Variants in GPR161 observed in about 807,000 individuals in gnomAD.
The protein encoded by GPR161 is G protein-coupled receptor 161.
In GPR161, 25 loss-of-function variants were observed where a neutral mutation model predicts 39.2. The observed-to-expected ratio is 0.64, with a 90% CI of 0.47 to 0.89. GPR161 has a LOEUF of 0.89. Ranked by LOEUF, GPR161 falls within the 40% of genes least tolerant of loss-of-function variation. The pLI is 0.00. For missense variants in GPR161, 547 were observed against 677.8 expected, an observed-to-expected ratio of 0.81 and a Z score of 2.14; for synonymous variants, 286 against 276.6, an observed-to-expected ratio of 1.03 and a Z score of -0.34.
chr1:168,133,629 G>A (rs1000488505), intron 1 of GPR161, among the ~76,000 whole-genome samples: 1 of 152,156 alleles, frequency 6.6e-6, no homozygotes, highest in African/African-American at 2.4e-5. Flanking sequence ...CCCGATTTAT[G>A]TTTTTCTTTT....
intron 4 of GPR161, 63 bp downstream of exon 4, chr1:168,090,501 A>G (rs1694950815): frequency 1.1e-6 from 1 of 944,142 alleles, no homozygotes; most frequent in Admixed American, 1.9e-5. Context: ...GAAACGCGAC[A>G]CGGGGGAAAC....
At chr1:168,110,587 GAAAAGA>G (rs759589212) in intron 1 of GPR161, among the ~76,000 whole-genome samples, 2,678 of 93,384 alleles carry the variant, frequency 0.029, 163 homozygotes, top group African/African-American at 0.085. Flanking sequence ...GAAAAGAAAA[GAAAAGA>G]AAAGAGACAA....
chr1:168,136,024 C>T, intron 1 of GPR161: 1 of 1,232,490 alleles, frequency 8.1e-7, no homozygotes, highest in Non-Finnish European at 1.0e-6. Flanking sequence ...CAGACGTTCT[C>T]ATCCCATATG....
chr1:168,092,816 G>A (rs1329901474), intron 3 of GPR161, among the ~76,000 whole-genome samples: 1 of 152,214 alleles, frequency 6.6e-6, no homozygotes, highest in Non-Finnish European at 1.5e-5. Context: ...AACCTGGAGC[G>A]AGGTGTTTTC....
rs560634343 is a variant in GPR161, at chr1:168,136,670, T to G, written c.-45+69A>C. ...GAGCCCTCAGCCTCGCACAATGAGT[T>G]TAGCCTGGCTCCATCCGGACCGCCC... On this transcript the variant is annotated intron_variant, in intron 1 of 5. Transcript: ENST00000682931. 8 of 1,165,630 alleles carry G rather than the reference T, an allele frequency of 6.9e-6. No homozygotes were observed. The African/African-American group carries it at 1.3e-4, about 19-fold the overall frequency. 72.2% of individuals were successfully genotyped at this position (1,165,630 alleles called of 1,614,324 possible).
rs116610247 is a variant in GPR161 at position 168,091,585 on chromosome 1, C to T, written c.1100-917G>A. The stretch of plus-strand genomic sequence containing the variant: ...GCTTCCCTGTGGTTTTCTAGGCCCT[C>T]GTTATTAGAGGTGAAGGGGTGCCCA... On this transcript the variant is annotated intron_variant, in intron 3 of 5. Coordinates refer to ENST00000682931, the MANE Select transcript of GPR161 (RefSeq NM_001375883.1). 4.0e-3 allele frequency among the ~76,000 whole-genome samples: 605 copies of T among 151,948 alleles called. 4 individuals carry two copies. Among genetic ancestry groups the T allele is most frequent in the African/African-American group, 0.013 (557 of 41,424 alleles).
chr1:168,087,457 C>T lies in GPR161; in HGVS notation c.1324+128G>A, dbSNP rs909418587. ...TGAGACCAACAGGGCTGGGAGTAAC[C>T]AGGGAGTGAGCAAAGGGATGGAGCC... On this transcript the variant is annotated intron_variant, in intron 5 of 5. Transcript: ENST00000682931. The T allele has an allele frequency of 4.5e-6, 5 of 1,101,030 alleles. No homozygotes were observed. In the Admixed American group the frequency reaches 5.2e-5, roughly 12 times the overall value. The allele number at this position is 1,101,030 out of a possible 1,614,324, so 68.2% of individuals were successfully genotyped here. A position where few individuals can be genotyped will look rare whatever the true frequency, so the allele number is the denominator to read the frequency against.
intron 1 of GPR161, chr1:168,136,348 G>A: frequency 6.8e-7 from 1 of 1,475,018 alleles, no homozygotes; most frequent in Non-Finnish European, 9.0e-7. Flanking sequence ...GCCCCAGGGG[G>A]CGCGGCCCGC....
chr1:168,119,259 T>TATACATATATATGTACAC (rs1697943545), intron 1 of GPR161, among the ~76,000 whole-genome samples: 1 of 99,786 alleles, frequency 1.0e-5, no homozygotes, highest in African/African-American at 4.6e-5. Flanking sequence ...TATATATACG[T>TATACATATATATGTACAC]ATATATATGT....
intron 1 of GPR161, among the ~76,000 whole-genome samples, chr1:168,132,648 C>T (rs1024956578): frequency 2.0e-5 from 3 of 151,426 alleles, no homozygotes; most frequent in African/African-American, 7.3e-5. Flanking sequence ...TTTTTTAATG[C>T]CCTATGTAGA....
chr1:168,097,314 T>C (rs1019952075), intron 2 of GPR161, 82 bp from the exon 3 acceptor site: 5 of 1,440,432 alleles, frequency 3.5e-6, no homozygotes, highest in Non-Finnish European at 4.7e-6. Flanking sequence ...GGGGCTCCCA[T>C]GACTGGGTTG....
rs142182379 is a variant in GPR161, at chr1:168,101,548, G to A, written c.374+2929C>T. Among the ~76,000 whole-genome samples, 290 of 152,298 alleles carry A rather than the reference G, an allele frequency of 1.9e-3. 5 individuals are homozygous for A. The East Asian group carries it at 0.043, about 23-fold the overall frequency. On this transcript the variant is annotated intron_variant, in intron 2 of 5. Coordinates refer to ENST00000682931, the MANE Select transcript of GPR161 (RefSeq NM_001375883.1). ...AGTTGATGGTGTACAATGACAAAGC[G>A]TCCAGGCTCGGGCATCTCAGAACTG...
chr1:168,087,980 G>A (rs914894383), intron 4 of GPR161: 3 of 326,434 alleles, frequency 9.2e-6, no homozygotes, highest in African/African-American at 6.5e-5. Flanking sequence ...CCAGACCCCA[G>A]AAGCATGGCA....
chr1:168,125,979 G>A (rs557879824), intron 1 of GPR161, among the ~76,000 whole-genome samples: 8 of 152,248 alleles, frequency 5.3e-5, no homozygotes, highest in East Asian at 3.9e-4. Context: ...TTCCCAAACC[G>A]TGGGTGGCAG....
Position 168,085,592 on chromosome 1 carries a change from C to T in GPR161, c.1529G>A (p.Ser510Asn). ...GGRRGSRTLVSQRLQLQSIEE... is the reference protein window; with the variant it reads ...GGRRGSRTLVNQRLQLQSIEE... ...GATGCTCTGCAACTGCAGCCTCTGG[C>T]TCACAAGAGTTCTGCTGCCTCGGCG... Residue 510 changes from serine to asparagine, a missense_variant, in exon 6 of 6, where the codon AGC becomes AAC. Ser to Asn is a conservative substitution (Grantham distance 46). Transcript: ENST00000682931. The T allele has an allele frequency of 6.2e-7, 1 of 1,614,104 alleles. No homozygotes were observed. Among genetic ancestry groups the T allele is most frequent in the Non-Finnish European group, 8.5e-7 (1 of 1,180,030 alleles).
chr1:168,109,769 C>T (rs918830965), intron 1 of GPR161, among the ~76,000 whole-genome samples: 1 of 152,044 alleles, frequency 6.6e-6, no homozygotes, highest in African/African-American at 2.4e-5. Flanking sequence ...GAGTTCAAGA[C>T]CAGCTTGGTC....
chr1:168,091,922 A>G (rs1348271002), intron 3 of GPR161, among the ~76,000 whole-genome samples: 1 of 151,996 alleles, frequency 6.6e-6, no homozygotes, highest in Non-Finnish European at 1.5e-5. Flanking sequence ...CTTGTATTTT[A>G]TGATACACTC....
In GPR161 at chr1:168,090,687, A is replaced by G. The variant is rs912890763; in HGVS notation, c.1100-19T>C. 8.3e-6 allele frequency: 12 copies of G among 1,453,802 alleles called. No homozygotes were observed. In the African/African-American group the frequency reaches 9.9e-5, roughly 12 times the overall value. 90.1% of individuals were successfully genotyped at this position (1,453,802 alleles called of 1,614,324 possible). A position where few individuals can be genotyped will look rare whatever the true frequency, so the allele number is the denominator to read the frequency against. ...CCCAGGTCTGAAAGACAAAATTGGC[A>G]TTGACAACACAATCACACTCTGCAA... On this transcript the variant is annotated intron_variant, in intron 3 of 5. Coordinates refer to ENST00000682931, the MANE Select transcript of GPR161 (RefSeq NM_001375883.1).
upstream of GPR161, chr1:168,137,518 A>C: frequency 1.2e-6 from 1 of 839,774 alleles, no homozygotes; most frequent in South Asian, 1.4e-5. Context: ...GGACGTAAAC[A>C]GGTCTTCACA....
Sources: allele counts gnomAD v4.1 joint callset (sites outside exome capture counted in the v4.1 genomes callset), GRCh38; gene constraint gnomAD v4.1.1; transcripts MANE v1.5; gene names NCBI Gene and HGNC (gene_info 2026-07-23, HGNC 2026-07-21).